PCDHA2: variants seen among roughly 807,000 people sequenced by gnomAD.
PCDHA2 encodes the protein protocadherin alpha 2, also known as protocadherin alpha-2.
PCDHA2 carries 58 observed loss-of-function variants against 66.0 expected under a neutral mutation model. The ratio of observed to expected loss-of-function variants is 0.88; its 90% CI spans 0.71 to 1.09. The LOEUF is 1.09. PCDHA2 is among the 50% of genes least tolerant of loss of function. The pLI, the probability that PCDHA2 is intolerant of heterozygous loss-of-function variation, is 0.00. For synonymous variants in PCDHA2, 634 were observed against 554.0 expected (o/e 1.14, Z -2.03); for missense variants, 1,267 against 1,242.3 (o/e 1.02, Z -0.30).
intron 1 of PCDHA2, chr5:140,804,998 A>T (rs1284261830): frequency 2.0e-6 from 3 of 1,532,070 alleles, no homozygotes; most frequent in Non-Finnish European, 8.7e-7. Flanking sequence ...TATTTTAAAA[A>T]TTTAGTTCTG....
chr5:140,839,279 C>T (rs1208423796), intron 1 of PCDHA2, among the ~76,000 whole-genome samples: 7 of 151,924 alleles, frequency 4.6e-5, no homozygotes, highest in Non-Finnish European at 1.0e-4. Context: ...TAAAACCTTC[C>T]TAGCATATTA....
intron 1 of PCDHA2, chr5:140,858,628 C>T (rs574787408): frequency 1.8e-6 from 2 of 1,091,216 alleles, no homozygotes; most frequent in South Asian, 3.4e-5. Context: ...CCCAGTGTGT[C>T]AGCCTTTGAT....
intron 1 of PCDHA2, among the ~76,000 whole-genome samples, chr5:140,910,535 T>G (rs2153515129): frequency 6.6e-6 from 1 of 152,274 alleles, no homozygotes; most frequent in African/African-American, 2.4e-5. Flanking sequence ...CCCTCACAAA[T>G]CTATTTTGCA....
intron 1 of PCDHA2, among the ~76,000 whole-genome samples, chr5:140,936,322 A>C (rs1225268806): frequency 2.6e-5 from 4 of 152,196 alleles, no homozygotes; most frequent in Admixed American, 6.5e-5. Context: ...CTGACATGCT[A>C]TAAATTTTCT....
chr5:140,876,853 A>G, intron 1 of PCDHA2: 1 of 1,614,094 alleles, frequency 6.2e-7, no homozygotes. Context: ...GCCCGAGTAC[A>G]CAGTGTTCGT....
chr5:140,857,982 G>C lies in PCDHA2; in HGVS notation c.2388+60630G>C, dbSNP rs782329809. The C allele has an allele frequency of 6.9e-6, 11 of 1,596,698 alleles. No individual in the cohort carries two copies. In the Admixed American group the frequency reaches 1.9e-4, roughly 27 times the overall value. ...GATGAGACTGACTCGCCACGCCAGC[G>C]CCTACTGGTGCTGGTGAAGGACCAT... On this transcript the variant is annotated intron_variant, in intron 1 of 3. Transcript: ENST00000526136.
chr5:140,884,467 G>A (rs199814121), intron 1 of PCDHA2: 6 of 1,613,778 alleles, frequency 3.7e-6, no homozygotes, highest in Non-Finnish European at 5.1e-6. Context: ...GCGCGTGCGC[G>A]CCGGGCAAGC....
intron 1 of PCDHA2, chr5:140,827,998 C>G: frequency 2.0e-6 from 3 of 1,482,462 alleles, no homozygotes; most frequent in Non-Finnish European, 2.7e-6. Flanking sequence ...TGATGGCGGA[C>G]GCAGAAGAAA....
intron 1 of PCDHA2, chr5:140,830,060 C>A: frequency 6.2e-7 from 1 of 1,613,712 alleles, no homozygotes; most frequent in Non-Finnish European, 8.5e-7. Context: ...CCACGGTGAG[C>A]CGGCGCTGAC....
At chr5:140,877,540 G>A (rs1044322759) in intron 1 of PCDHA2, 2 of 1,613,770 alleles carry the variant, frequency 1.2e-6, no homozygotes, top group East Asian at 2.2e-5. Flanking sequence ...TGTGGATCCC[G>A]AAGCGGCTCT....
At chr5:140,968,474 G>A (rs1394773296) in intron 1 of PCDHA2, 2 of 1,614,110 alleles carry the variant, frequency 1.2e-6, no homozygotes, top group Non-Finnish European at 1.7e-6. Flanking sequence ...CGTATATGTG[G>A]TGGACATGAA....
chr5:140,987,391 G>A (rs1277678841), intron 3 of PCDHA2, among the ~76,000 whole-genome samples: 1 of 152,140 alleles, frequency 6.6e-6, no homozygotes, highest in Non-Finnish European at 1.5e-5. Flanking sequence ...ATGCATGCAA[G>A]GAAGCCATCT....
Position 141,009,656 on chromosome 5 carries a change from G to T in PCDHA2, c.2566G>T (p.Val856Phe). The T allele has an allele frequency of 6.2e-7, 1 of 1,614,000 alleles. No individual in the cohort carries two copies. The highest frequency in any genetic ancestry group is 8.5e-7 in the Non-Finnish European group (1 of 1,179,978). Residue 856 changes from valine (V) to phenylalanine (F), a missense_variant, in exon 4 of 4, where the codon GTC (valine) becomes TTC (phenylalanine). Physicochemically the swap from Val to Phe is conservative, Grantham distance 50. Coordinates refer to ENST00000526136, the MANE Select transcript of PCDHA2 (RefSeq NM_018905.3). The stretch of plus-strand genomic sequence containing the variant: ...AGAGGCAGGAGAAGTGTCCCCTCCA[G>T]TCGGTGCGGGTGTCAACAGCAACAG... Reference protein sequence around the residue: ...EPEAGEVSPPVGAGVNSNSWT... With the variant: ...EPEAGEVSPPFGAGVNSNSWT...
chr5:140,970,774 A>G (rs1554232727), intron 1 of PCDHA2, among the ~76,000 whole-genome samples: 2 of 152,218 alleles, frequency 1.3e-5, no homozygotes, highest in Admixed American at 1.3e-4. Context: ...TGCTGTACAT[A>G]CATATTGTAT....
intron 1 of PCDHA2, chr5:140,884,656 G>C (rs782439139): frequency 1.9e-6 from 3 of 1,602,178 alleles, no homozygotes; most frequent in Admixed American, 1.7e-5. Context: ...CAGAATGCTT[G>C]AAAGAGGTAA....
intron 1 of PCDHA2, among the ~76,000 whole-genome samples, chr5:140,939,296 C>T (rs2153640792): frequency 6.6e-6 from 1 of 152,210 alleles, no homozygotes; most frequent in South Asian, 2.1e-4. Flanking sequence ...CTAATCATCT[C>T]TACAAAAGCC....
At chr5:140,822,280 T>C (rs2150115154) in intron 1 of PCDHA2, 3 of 1,614,128 alleles carry the variant, frequency 1.9e-6, no homozygotes, top group Non-Finnish European at 2.5e-6. Flanking sequence ...ACAATTGAGA[T>C]ACAGGTTAAA....
chr5:140,869,484 C>A, intron 1 of PCDHA2: 2 of 1,613,948 alleles, frequency 1.2e-6, no homozygotes, highest in Non-Finnish European at 1.7e-6. Flanking sequence ...AGGACATTAA[C>A]GACAACCCGC....
chr5:140,805,793 T>C (rs1763632197), intron 1 of PCDHA2: 1 of 175,588 alleles, frequency 5.7e-6, no homozygotes, highest in African/African-American at 2.4e-5. Context: ...TTTTTGTATC[T>C]TTAGAAAATC....
Sources: allele counts gnomAD v4.1 joint callset (sites outside exome capture counted in the v4.1 genomes callset), GRCh38; gene constraint gnomAD v4.1.1; transcripts MANE v1.5; gene names NCBI Gene and HGNC (gene_info 2026-07-23, HGNC 2026-07-21).